Variants in TBKBP1 observed in about 807,000 individuals in gnomAD.
TBKBP1 encodes TANK-binding kinase 1-binding protein 1.
Under a neutral mutation model 69.9 loss-of-function variants are expected in TBKBP1, and 47 were observed. That is an observed-to-expected ratio of 0.67 (90% CI 0.53 to 0.86). The LOEUF (loss-of-function observed/expected upper bound fraction) is 0.86. Ranked by LOEUF, TBKBP1 falls within the 40% of genes least tolerant of loss-of-function variation. The probability of loss-of-function intolerance (pLI) is 0.00; values close to 1 mark genes in which losing one functional copy is unlikely to be tolerated. For missense variants in TBKBP1, 831 were observed against 858.6 expected (o/e 0.97, Z 0.40); for synonymous variants, 418 against 390.3 (o/e 1.07, Z -0.84).
In TBKBP1 at chr17:47,709,182, G is replaced by A. The variant is rs1413739999; in HGVS notation, c.1449G>A (p.Ala483=). The A allele has an allele frequency of 2.7e-6, 4 of 1,480,656 alleles. No individual in the cohort carries two copies. Among genetic ancestry groups the A allele is most frequent in the African/African-American group, 1.5e-5 (1 of 67,826 alleles). The allele number at this position is 1,480,656 out of a possible 1,614,324, so 91.7% of individuals were successfully genotyped here. The change falls in exon 9 of 10, where the codon GCG becomes GCA. Residue 483 remains alanine, a synonymous_variant. Coordinates refer to ENST00000578982, the MANE Select transcript of TBKBP1 (RefSeq NM_001394755.1). ...CCCCGCCCTGGCTGCAGGCCGAAGC[G>A]GCCACTCTCCCCAAGCCCCGGGCCT... ...GASPPWLQAE[A]ATLPKPRAYG...
At position 47,710,759 on chromosome 17, in the gene TBKBP1, T is replaced by C. The variant is rs1186625886; in HGVS notation, c.*133T>C. The C allele has an allele frequency of 7.7e-7, 1 of 1,306,020 alleles. No individual in the cohort carries two copies. Among genetic ancestry groups the C allele is most frequent in the Non-Finnish European group, 1.1e-6 (1 of 950,436 alleles). 80.9% of individuals were successfully genotyped at this position (1,306,020 alleles called of 1,614,324 possible). On this transcript the variant is annotated 3_prime_UTR_variant, in exon 10 of 10. Transcript: ENST00000578982. ...CCAGATACCTCCACTTGCTACCGAG[T>C]CAACGTGTGTGCCATCTTCCCTGGT... is the stretch of plus-strand genomic sequence containing the variant.
At chr17:47,701,373 A>ACT (rs1212216400) in intron 7 of TBKBP1, among the ~76,000 whole-genome samples, 1 of 150,208 alleles carries the variant, frequency 6.7e-6, no homozygotes, top group Non-Finnish European at 1.5e-5. Flanking sequence ...ACACACACAC[A>ACT]CACACTCTCT....
intron 7 of TBKBP1, among the ~76,000 whole-genome samples, chr17:47,706,942 C>T (rs1283703297): frequency 6.6e-6 from 1 of 152,166 alleles, no homozygotes; most frequent in Non-Finnish European, 1.5e-5. Flanking sequence ...TTCACACTCT[C>T]CCATCCACAT....
intron 7 of TBKBP1, among the ~76,000 whole-genome samples, chr17:47,700,359 G>A (rs1030520916): frequency 9.6e-5 from 13 of 135,002 alleles, no homozygotes; most frequent in African/African-American, 3.4e-4. Context: ...TGGTCAGGCT[G>A]GTCTCGACTC....
Position 47,708,679 on chromosome 17 carries a change from C to T in TBKBP1, c.992-46C>T. The T allele has an allele frequency of 6.8e-7, 1 of 1,476,504 alleles. No homozygotes were observed. The highest frequency in any genetic ancestry group is 9.0e-7 in the Non-Finnish European group (1 of 1,116,266). The allele number at this position is 1,476,504 out of a possible 1,614,324, so 91.5% of individuals were successfully genotyped here. ...CCTGGCGCTCCAGTTCTGAGGTCTT[C>T]TCTCTGCACCTTTGTCCCCCCACCC... On this transcript the variant is annotated intron_variant, in intron 8 of 9. Coordinates refer to ENST00000578982, the MANE Select transcript of TBKBP1 (RefSeq NM_001394755.1). The surrounding 1 kb of genome is among the most constrained non-coding windows in gnomAD (Gnocchi z 4.4).
rs537765130 is a variant in TBKBP1 at position 47,702,636 on chromosome 17, C to T, written c.872+2939C>T. 2.0e-5 allele frequency among the ~76,000 whole-genome samples: 3 copies of T among 152,232 alleles called. No individual in the cohort carries two copies. In the East Asian group the frequency reaches 5.8e-4, roughly 29 times the overall value. On this transcript the variant is annotated intron_variant, in intron 7 of 9. Transcript: ENST00000578982. The stretch of plus-strand genomic sequence containing the variant: ...GTTCCCACGAAAACAGACACCCAGA[C>T]CAGACCGAGGCAGACTACTACCCTC...
At chr17:47,706,854 C>G (rs2031716366) in intron 7 of TBKBP1, among the ~76,000 whole-genome samples, 1 of 151,624 alleles carries the variant, frequency 6.6e-6, no homozygotes, top group Admixed American at 6.6e-5. Flanking sequence ...CACACACACA[C>G]ACACACACAC....
At position 47,708,762 on chromosome 17, in the gene TBKBP1, G is replaced by T; in HGVS notation, c.1029G>T (p.Pro343=). The change falls in exon 9 of 10, where the codon CCG becomes CCT. Residue 343 remains proline, a synonymous_variant. Transcript: ENST00000578982. The surrounding 1 kb of genome is among the most constrained non-coding windows in gnomAD (Gnocchi z 4.4). The stretch of plus-strand genomic sequence containing the variant: ...CGCCGCTGTCACAACGCCACTCCCC[G>T]GCCCCCCAGTGCCCCTCCCCCTCCC... ...RHSPLSQRHS[P]APQCPSPSPP... 1.5e-6 allele frequency: 1 copy of T among 666,074 alleles called. No homozygotes were observed. The allele number at this position is 666,074 out of a possible 1,614,324, so 41.3% of individuals were successfully genotyped here.
Position 47,699,649 on chromosome 17 carries a change from A to G in TBKBP1, c.824A>G (p.Asn275Ser), listed in dbSNP as rs182849852. ...QETRAQDLAS[N>S]QSERDMAWVK... ...CTTCTTCCTTAGGATCTGGCCTCCA[A>G]CCAGTCGGAGCGAGACATGGCGTGG... is the stretch of plus-strand genomic sequence containing the variant. The change falls in exon 7 of 10, where the codon AAC becomes AGC. Residue 275 changes from asparagine (N) to serine (S), a missense_variant. Coordinates refer to ENST00000578982, the MANE Select transcript of TBKBP1 (RefSeq NM_001394755.1). The G allele has an allele frequency of 3.2e-4, 511 of 1,613,882 alleles. 4 individuals are homozygous for G. The Admixed American group carries it at 7.9e-3, about 25-fold the overall frequency.
chr17:47,708,673 G>C lies in TBKBP1; in HGVS notation c.992-52G>C. 1 of 1,473,398 alleles carries C rather than the reference G, an allele frequency of 6.8e-7. No individual in the cohort carries two copies. The highest frequency in any genetic ancestry group is 9.0e-7 in the Non-Finnish European group (1 of 1,112,006). 91.3% of individuals were successfully genotyped at this position (1,473,398 alleles called of 1,614,324 possible). ...CAAGCCCCTGGCGCTCCAGTTCTGAGGTCTTCTCTCTGCACCTTTGTCCCC... is the reference window on the plus strand; with the variant it reads ...CAAGCCCCTGGCGCTCCAGTTCTGACGTCTTCTCTCTGCACCTTTGTCCCC... On this transcript the variant is annotated intron_variant, in intron 8 of 9. Transcript: ENST00000578982. This position sits in a 1 kb window ranked among gnomAD's most constrained non-coding sequence, Gnocchi z 4.4.
rs995371551 is a variant in TBKBP1, at chr17:47,696,205, G to T, written c.93G>T (p.Ser31=). ...GGCTGGACAGTCCCGGAGACCCCTCGCTTGGGGGCGACATGTGCTCCGCCT... is the reference window on the plus strand; with the variant it reads ...GGCTGGACAGTCCCGGAGACCCCTCTCTTGGGGGCGACATGTGCTCCGCCT... The part of the protein sequence containing the change: ...EVWLDSPGDP[S]LGGDMCSASH... The change falls in exon 2 of 10, where the codon TCG becomes TCT. Residue 31 remains serine (S), a synonymous_variant. Coordinates refer to ENST00000578982, the MANE Select transcript of TBKBP1 (RefSeq NM_001394755.1). 1 of 1,613,640 alleles carries T rather than the reference G, an allele frequency of 6.2e-7. No individual in the cohort carries two copies.
At chr17:47,703,797 C>G (rs901319412) in intron 7 of TBKBP1, among the ~76,000 whole-genome samples, 5 of 151,086 alleles carry the variant, frequency 3.3e-5, no homozygotes, top group Non-Finnish European at 5.9e-5. Context: ...CCTACAAAAT[C>G]TCATTTCATT....
intron 1 of TBKBP1, 141 bp from the exon 2 acceptor site, chr17:47,695,938 T>A: frequency 3.4e-6 from 2 of 588,298 alleles, no homozygotes; most frequent in South Asian, 2.1e-5. Context: ...GAAGGGGCCA[T>A]GGGAGTCCCT....
intron 7 of TBKBP1, among the ~76,000 whole-genome samples, chr17:47,702,757 G>A (rs2031554384): frequency 6.6e-6 from 1 of 152,096 alleles, no homozygotes; most frequent in Non-Finnish European, 1.5e-5. Flanking sequence ...GAGCCACTGG[G>A]GGTCACGCAG....
intron 1 of TBKBP1, among the ~76,000 whole-genome samples, chr17:47,694,890 G>A (rs900563210): frequency 6.8e-5 from 2 of 29,538 alleles, no homozygotes; most frequent in African/African-American, 5.1e-4. Flanking sequence ...GGTGGCGGAG[G>A]GGGGGGGGTG....
In TBKBP1 at chr17:47,696,150, C is replaced by G. The variant is rs774960661; in HGVS notation, c.38C>G (p.Thr13Arg). Residue 13 changes from threonine (T) to arginine (R), a missense_variant, in exon 2 of 10, where the codon ACG becomes AGG. Transcript: ENST00000578982. ...SMFEDDISILTQEALGPSEVW... is the reference protein window; with the variant it reads ...SMFEDDISILRQEALGPSEVW... ...TTCGAGGACGACATCAGCATCCTGA[C>G]GCAGGAGGCCCTGGGGCCTAGTGAG... The G allele has an allele frequency of 1.9e-6, 3 of 1,613,082 alleles. No individual in the cohort carries two copies. Among genetic ancestry groups the G allele is most frequent in the Admixed American group, 1.7e-5 (1 of 59,970 alleles).
At chr17:47,698,266 G>A (rs565119084) in intron 4 of TBKBP1, among the ~76,000 whole-genome samples, 40 of 152,356 alleles carry the variant, frequency 2.6e-4, no homozygotes, top group Non-Finnish European at 4.9e-4. Context: ...TGGATCAGGT[G>A]GGTGAAGTCC....
In TBKBP1 at chr17:47,698,669, G is replaced by A. The variant is rs780004918; in HGVS notation, c.528G>A (p.Gln176=). 8.7e-6 allele frequency: 14 copies of A among 1,604,106 alleles called. No homozygotes were observed. The East Asian group carries it at 3.2e-4, about 36-fold the overall frequency. ...AGCTGCGGCAACAGCAAGGCCTCCA[G>A]GATGCAGCCTTCTCCAACCTGAGCC... ...EQQLRQQQGL[Q]DAAFSNLSPP... is the part of the protein sequence containing the mutation. Residue 176 remains glutamine (Q), a synonymous_variant, in exon 5 of 10, where the codon CAG becomes CAA. Transcript: ENST00000578982.
Position 47,696,789 on chromosome 17 carries a change from G to T in TBKBP1, c.304G>T (p.Glu102Ter), listed in dbSNP as rs746353104. The change falls in exon 3 of 10, where the codon GAG becomes TAG. Residue 102 changes from glutamate (E) to a stop codon, truncating the protein, a stop_gained. Coordinates refer to ENST00000578982, the MANE Select transcript of TBKBP1 (RefSeq NM_001394755.1). LOFTEE classifies it high-confidence loss of function. Reference sequence around the variant, plus strand: ...CAAGGATGGCTCCCTGCTGGAGGTGGAGAAGGTCAGCCTGCAGCAACGGCT... The same window carrying T: ...CAAGGATGGCTCCCTGCTGGAGGTGTAGAAGGTCAGCCTGCAGCAACGGCT... ...EIKDGSLLEV[E>*]KVSLQQRLNQ... 1 of 1,613,826 alleles carries T rather than the reference G, an allele frequency of 6.2e-7. No individual in the cohort carries two copies. Among genetic ancestry groups the T allele is most frequent in the Non-Finnish European group, 8.5e-7 (1 of 1,179,838 alleles).
Sources: allele counts gnomAD v4.1 joint callset (sites outside exome capture counted in the v4.1 genomes callset), GRCh38; gene constraint gnomAD v4.1.1; non-coding constraint Gnocchi (gnomAD v3.1); transcripts MANE v1.5; gene names NCBI Gene and HGNC (gene_info 2026-07-23, HGNC 2026-07-21).